The following GLMN variants were observed in gnomAD, a reference collection of about 807,000 sequenced individuals.
The protein encoded by GLMN is glomulin, FKBP associated protein.
Under a neutral mutation model 87.8 loss-of-function variants are expected in GLMN, and 75 were observed. That is an observed-to-expected ratio of 0.85 (90% CI 0.71 to 1.04). The LOEUF is 1.04. GLMN is among the 50% of genes least tolerant of loss of function. The pLI is 0.00. For missense variants in GLMN, 588 were observed against 658.8 expected (o/e 0.89, Z 1.18); for synonymous variants, 206 against 221.6 (o/e 0.93, Z 0.63).
chr1:92,254,973 A>G (rs1182712197), intron 16 of GLMN, among the ~76,000 whole-genome samples: 1 of 151,686 alleles, frequency 6.6e-6, no homozygotes, highest in African/African-American at 2.4e-5. Context: ...AAATTGAATA[A>G]AGAGTCAAGA....
intron 6 of GLMN, among the ~76,000 whole-genome samples, chr1:92,288,009 T>C (rs1648969222): frequency 6.6e-6 from 1 of 151,330 alleles, no homozygotes; most frequent in Admixed American, 6.6e-5. Context: ...CAACATGTTA[T>C]CAATATAAAA....
intron 11 of GLMN, 49 bp downstream of exon 11, chr1:92,267,864 A>G: frequency 1.1e-6 from 1 of 923,476 alleles, no homozygotes; most frequent in Non-Finnish European, 1.8e-6. Context: ...CTTTAAGTTC[A>G]GAACAGGCAA....
chr1:92,255,817 T>TGC (rs1654153546), intron 16 of GLMN, among the ~76,000 whole-genome samples: 1 of 152,014 alleles, frequency 6.6e-6, no homozygotes, highest in Non-Finnish European at 1.5e-5. Flanking sequence ...GTGGGAAAGA[T>TGC]CTAAAATCGA....
upstream of GLMN, chr1:92,299,201 C>T (rs1375543927): frequency 8.6e-7 from 1 of 1,159,532 alleles, no homozygotes; most frequent in Non-Finnish European, 1.2e-6. Flanking sequence ...GCCCCGATCT[C>T]GAGTTATAGA....
chr1:92,330,859 A>C, the GLMN span, among the ~76,000 whole-genome samples: 1 of 152,354 alleles, frequency 6.6e-6, no homozygotes, highest in Admixed American at 6.5e-5. Context: ...TGGAACCAGC[A>C]GCGTCAACAT....
At chr1:92,299,312 A>G (rs899994422), upstream of GLMN, among the ~76,000 whole-genome samples, 1 of 152,168 alleles carries the variant, frequency 6.6e-6, no homozygotes, top group African/African-American at 2.4e-5. Flanking sequence ...CTCCTGGGAA[A>G]GATTTCCTGG....
the GLMN span, among the ~76,000 whole-genome samples, chr1:92,324,719 T>G: frequency 6.6e-6 from 1 of 152,228 alleles, no homozygotes; most frequent in African/African-American, 2.4e-5. Context: ...TTTCAGATTT[T>G]TACATGGGGT....
At chr1:92,339,342 C>T in the GLMN span, among the ~76,000 whole-genome samples, 2 of 137,506 alleles carry the variant, frequency 1.5e-5, no homozygotes, top group Non-Finnish European at 3.1e-5. Flanking sequence ...GCCCCCCAAT[C>T]CCCCAAGGAT....
the GLMN span, among the ~76,000 whole-genome samples, chr1:92,307,750 T>C: frequency 2.6e-5 from 4 of 152,132 alleles, no homozygotes; most frequent in Admixed American, 6.5e-5. Context: ...AAAAAGAGTT[T>C]ATGGGCAATG....
At chr1:92,369,950 T>C in the GLMN span, among the ~76,000 whole-genome samples, 3 of 152,196 alleles carry the variant, frequency 2.0e-5, no homozygotes, top group Non-Finnish European at 4.4e-5. Flanking sequence ...AGTGGTGCGA[T>C]CTCGGCTTAC....
In GLMN at chr1:92,292,013, A is replaced by C. The variant is rs150970204; in HGVS notation, c.166-476T>G. ...TCTCTCCTACATACAAGTGGCTTCTATGTTCAAAGATATTTCAGAATGCTT... is the reference window on the plus strand; with the variant it reads ...TCTCTCCTACATACAAGTGGCTTCTCTGTTCAAAGATATTTCAGAATGCTT... On this transcript the variant is annotated intron_variant, in intron 3 of 18. Coordinates refer to ENST00000370360, the MANE Select transcript of GLMN (RefSeq NM_053274.3). Among the ~76,000 whole-genome samples the C allele has an allele frequency of 4.3e-4, 65 of 152,340 alleles. 1 individual carries two copies. The East Asian group carries it at 0.012, about 28-fold the overall frequency.
In GLMN at chr1:92,286,610, G is replaced by A. The variant is rs761412000; in HGVS notation, c.633-18C>T. 6 of 1,205,412 alleles carry A rather than the reference G, an allele frequency of 5.0e-6. No individual in the cohort carries two copies. Among genetic ancestry groups the A allele is most frequent in the Non-Finnish European group, 6.2e-6 (5 of 808,348 alleles). 74.7% of individuals were successfully genotyped at this position (1,205,412 alleles called of 1,614,324 possible). A position where few individuals can be genotyped will look rare whatever the true frequency, so the allele number is the denominator to read the frequency against. On this transcript the variant is annotated intron_variant, in intron 6 of 18. Transcript: ENST00000370360. ...TGAAACAACTAAGGCATAAGAAATA[G>A]GTAACTATGAAATCAACACTTCCAA...
chr1:92,368,582 A>G, the GLMN span, among the ~76,000 whole-genome samples: 1 of 152,208 alleles, frequency 6.6e-6, no homozygotes, highest in Non-Finnish European at 1.5e-5. Context: ...AAGAGTTTGT[A>G]CAGCTCTAAA....
At chr1:92,262,178 A>C (rs1405252420) in intron 16 of GLMN, among the ~76,000 whole-genome samples, 1 of 152,204 alleles carries the variant, frequency 6.6e-6, no homozygotes, top group Non-Finnish European at 1.5e-5. Context: ...TCTTTATATA[A>C]AAATGAATTA....
chr1:92,334,490 T>G, the GLMN span, among the ~76,000 whole-genome samples: 1 of 152,114 alleles, frequency 6.6e-6, no homozygotes, highest in Non-Finnish European at 1.5e-5. Context: ...GAGATAAAAA[T>G]GGAAACAGTT....
chr1:92,296,927 T>C (rs1259973482), intron 3 of GLMN, among the ~76,000 whole-genome samples: 1 of 152,194 alleles, frequency 6.6e-6, no homozygotes, highest in Non-Finnish European at 1.5e-5. Flanking sequence ...GATATGTATA[T>C]TTCTCATTGT....
At chr1:92,299,155 A>T, upstream of GLMN, 1 of 1,495,712 alleles carries the variant, frequency 6.7e-7, no homozygotes, top group Non-Finnish European at 9.0e-7. Flanking sequence ...AGGTAGGAGC[A>T]AGGATCTCTT....
At chr1:92,282,244 T>C (rs1648147580) in intron 7 of GLMN, among the ~76,000 whole-genome samples, 1 of 152,118 alleles carries the variant, frequency 6.6e-6, no homozygotes, top group Non-Finnish European at 1.5e-5. Flanking sequence ...ACTCAGCAAA[T>C]GTAAAAGAAC....
chr1:92,363,119 T>A, the GLMN span, among the ~76,000 whole-genome samples: 1 of 151,866 alleles, frequency 6.6e-6, no homozygotes, highest in Non-Finnish European at 1.5e-5. Flanking sequence ...TTTGAAGGAG[T>A]CTATGAACCC....
Sources: allele counts gnomAD v4.1 joint callset (sites outside exome capture counted in the v4.1 genomes callset), GRCh38; gene constraint gnomAD v4.1.1; transcripts MANE v1.5; gene names NCBI Gene and HGNC (gene_info 2026-07-23, HGNC 2026-07-21).